CLEC2B: variants seen among roughly 807,000 people sequenced by gnomAD.
CLEC2B encodes the protein C-type (calcium dependent, carbohydrate-recognition domain) lectin, superfamily member 2 (activation-induced).
CLEC2B carries 14 observed loss-of-function variants against 16.2 expected under a neutral mutation model. The ratio of observed to expected loss-of-function variants is 0.86; its 90% confidence interval spans 0.57 to 1.35. The LOEUF is 1.35. Ranked by LOEUF, CLEC2B falls within the 40% of genes most tolerant of loss-of-function variation. The pLI, the probability that CLEC2B is intolerant of heterozygous loss-of-function variation, is 0.00. For synonymous variants in CLEC2B, 42 were observed against 55.8 expected, an observed-to-expected ratio of 0.75 and a Z score of 1.10; for missense variants, 166 against 182.3, an observed-to-expected ratio of 0.91 and a Z score of 0.52.
At position 9,862,505 on chromosome 12, in the gene CLEC2B, G is replaced by A; in HGVS notation, c.67C>T (p.Leu23=). Residue 23 remains leucine, a synonymous_variant, in exon 2 of 5, where the codon CTG becomes TTG. Transcript: ENST00000228438. ...AATGAAGGATGTAACTTACCTATCA[G>A]AGTAATAATATTAGTTGTTATTAAA... ...GVLITTNIIT[L]IVKLTRDSQS... is the part of the protein sequence containing the mutation. 1 of 1,459,782 alleles carries A rather than the reference G, an allele frequency of 6.9e-7. No homozygotes were observed. The highest frequency in any genetic ancestry group is 9.2e-7 in the Non-Finnish European group (1 of 1,081,314). 90.4% of individuals were successfully genotyped at this position (1,459,782 alleles called of 1,614,324 possible).
rs1867878346 is a variant in CLEC2B, at chr12:9,854,466, T to G, written c.256A>C (p.Lys86Gln). ...IEEMNFLRRY[K>Q]CSSDHWIGLK... ...CCAATCCAGTGATCAGAACTGCATT[T>G]ATACCGCCTAAGAAAATTCTTTAGA... is the stretch of plus-strand genomic sequence containing the variant. Residue 86 changes from lysine (K) to glutamine (Q), a missense_variant, in exon 4 of 5, where the codon AAA becomes CAA. Coordinates refer to ENST00000228438, the MANE Select transcript of CLEC2B (RefSeq NM_005127.3). The G allele has an allele frequency of 3.1e-6, 5 of 1,612,498 alleles. No homozygotes were observed. Among genetic ancestry groups the G allele is most frequent in the Non-Finnish European group, 4.2e-6 (5 of 1,178,574 alleles).
At chr12:9,856,508 T>C (rs1449639586) in intron 3 of CLEC2B, among the ~76,000 whole-genome samples, 2 of 152,062 alleles carry the variant, frequency 1.3e-5, no homozygotes, top group Non-Finnish European at 2.9e-5. Flanking sequence ...TTGTTTCCTT[T>C]CACTGACCTA....
At position 9,854,404 on chromosome 12, in the gene CLEC2B, T is replaced by C; in HGVS notation, c.318A>G (p.Val106=). 1.9e-6 allele frequency: 3 copies of C among 1,612,560 alleles called. No homozygotes were observed. Among genetic ancestry groups the C allele is most frequent in the African/African-American group, 1.3e-5 (1 of 74,998 alleles). ...ACGATTTGGTAAATGTAGCTCCATC[T>C]ACCCATTGTCCTGTTCGATTTTTTG... ...KMAKNRTGQW[V]DGATFTKSFG... is the part of the protein sequence containing the mutation. Residue 106 remains valine (V), a synonymous_variant, in exon 4 of 5, where the codon GTA becomes GTG. Transcript: ENST00000228438.
chr12:9,857,408 G>A, intron 3 of CLEC2B, 66 bp downstream of exon 3: 2 of 1,187,182 alleles, frequency 1.7e-6, no homozygotes, highest in Non-Finnish European at 2.4e-6. Context: ...GATTATAATG[G>A]TGTTTGAATA....
chr12:9,860,307 T>C (rs797598), intron 2 of CLEC2B, among the ~76,000 whole-genome samples: 95,123 of 151,456 alleles, frequency 0.63, 30,735 homozygotes, highest in African/African-American at 0.79. Flanking sequence ...AGCAAATTTG[T>C]TATATGAGGC....
At chr12:9,860,608 C>G (rs73046767) in intron 2 of CLEC2B, among the ~76,000 whole-genome samples, 2,582 of 151,814 alleles carry the variant, frequency 0.017, 41 homozygotes, top group Non-Finnish European at 0.026. Context: ...ATCAAAATTA[C>G]AGATAATTTA....
intron 3 of CLEC2B, among the ~76,000 whole-genome samples, chr12:9,856,578 A>C (rs1591768481): frequency 6.6e-6 from 1 of 152,226 alleles, no homozygotes; most frequent in South Asian, 2.1e-4. Flanking sequence ...AGGCAGATTG[A>C]GTAAATAAAC....
intron 3 of CLEC2B, among the ~76,000 whole-genome samples, chr12:9,856,642 T>G (rs770472245): frequency 2.0e-5 from 3 of 152,108 alleles, no homozygotes; most frequent in Non-Finnish European, 4.4e-5. Flanking sequence ...TTGACTCTTG[T>G]GCTATTCTGC....
chr12:9,866,527 T>A (rs558944745), intron 1 of CLEC2B, among the ~76,000 whole-genome samples: 10 of 152,158 alleles, frequency 6.6e-5, no homozygotes, highest in Non-Finnish European at 1.5e-4. Context: ...AGGAAGTAAA[T>A]AAAAGGTAAC....
chr12:9,854,721 A>G (rs959975421), intron 3 of CLEC2B: 9 of 498,646 alleles, frequency 1.8e-5, no homozygotes, highest in South Asian at 3.3e-5. Flanking sequence ...AAATTGATAA[A>G]TGTTCAATTT....
At chr12:9,855,290 T>C (rs192730871) in intron 3 of CLEC2B, among the ~76,000 whole-genome samples, 1 of 152,230 alleles carries the variant, frequency 6.6e-6, no homozygotes, top group East Asian at 1.9e-4. Context: ...CTGTGACTTT[T>C]GACATTTCAA....
At chr12:9,863,125 G>A (rs1591769952) in intron 1 of CLEC2B, among the ~76,000 whole-genome samples, 1 of 152,086 alleles carries the variant, frequency 6.6e-6, no homozygotes, top group East Asian at 1.9e-4. Flanking sequence ...AGGTCCCCTG[G>A]GCTGGAACAC....
Position 9,853,089 on chromosome 12 carries a change from G to GAA in CLEC2B, c.*210_*211insTT. The GAA allele has an allele frequency of 5.3e-6, 1 of 187,072 alleles. No homozygotes were observed. The highest frequency in any genetic ancestry group is 6.5e-5 in the South Asian group (1 of 15,278). 11.6% of individuals were successfully genotyped at this position (187,072 alleles called of 1,614,324 possible). On this transcript the variant is annotated 3_prime_UTR_variant, in exon 5 of 5. Transcript: ENST00000228438. ...AGAAAGAAAGAAAGAAAGAAAGAGA[G>GAA]AGAGAGAAAGAAAGAAAGAAAAAAA...
In CLEC2B at chr12:9,854,438, A is replaced by G. The variant is rs377205592; in HGVS notation, c.284T>C (p.Leu95Pro). Residue 95 changes from leucine (L) to proline (P), a missense_variant, in exon 4 of 5, where the codon CTG becomes CCG. Physicochemically the swap from Leu to Pro is moderately conservative, Grantham distance 98. Coordinates refer to ENST00000228438, the MANE Select transcript of CLEC2B (RefSeq NM_005127.3). The part of the protein sequence containing the change: ...YKCSSDHWIG[L>P]KMAKNRTGQW... ...TCCTGTTCGATTTTTTGCCATCTTC[A>G]GTCCAATCCAGTGATCAGAACTGCA... 1 of 1,613,728 alleles carries G rather than the reference A, an allele frequency of 6.2e-7. No individual in the cohort carries two copies. The highest frequency in any genetic ancestry group is 8.5e-7 in the Non-Finnish European group (1 of 1,179,670).
intron 1 of CLEC2B, among the ~76,000 whole-genome samples, chr12:9,863,896 A>G (rs116860640): frequency 0.019 from 2,860 of 152,252 alleles, 57 homozygotes; most frequent in Admixed American, 0.036. Flanking sequence ...AAGAAATAAT[A>G]ACAGAAAGTA....
intron 1 of CLEC2B, chr12:9,867,394 T>C (rs139016369): frequency 9.0e-4 from 137 of 152,314 alleles, no homozygotes; most frequent in African/African-American, 3.2e-3. Flanking sequence ...AAACCTATTA[T>C]GTGTTCATTC....
intron 3 of CLEC2B, 185 bp from the exon 4 acceptor site, chr12:9,854,669 T>G (rs893971147): frequency 9.4e-6 from 5 of 530,966 alleles, no homozygotes; most frequent in Non-Finnish European, 1.3e-5. Flanking sequence ...GTTTTTTTTG[T>G]GAAACAAATA....
intron 1 of CLEC2B, 24 bp from the exon 2 acceptor site, chr12:9,862,597 T>A: frequency 7.1e-7 from 1 of 1,413,530 alleles, no homozygotes; most frequent in Non-Finnish European, 9.3e-7. Flanking sequence ...ATAAAGACAT[T>A]TAGGAGACTT....
intron 4 of CLEC2B, 106 bp from the exon 5 acceptor site, chr12:9,853,514 T>C (rs2241065): frequency 1.3e-6 from 1 of 794,134 alleles, no homozygotes; most frequent in Non-Finnish European, 2.2e-6. Flanking sequence ...AGGTGTACTA[T>C]GGCACAGTTC....
Sources: gnomAD v4.1 joint callset for allele counts (sites outside exome capture counted in the v4.1 genomes callset) on GRCh38, gnomAD v4.1.1 for gene constraint, MANE v1.5 for transcripts, NCBI Gene and HGNC (gene_info 2026-07-23, HGNC 2026-07-21) for gene names.